Variants in TNRC18 observed in about 807,000 individuals in gnomAD.
TNRC18 encodes trinucleotide repeat-containing gene 18 protein.
A neutral mutation model predicts 226.7 loss-of-function variants in TNRC18; 69 were observed. The ratio of observed to expected loss-of-function variants is 0.30; its 90% confidence interval spans 0.25 to 0.37. The LOEUF (loss-of-function observed/expected upper bound fraction) is 0.37. Among genes scored for constraint, TNRC18 ranks in the 10% least tolerant of loss-of-function variants. TNRC18 has a pLI of 1.00. For missense variants in TNRC18, 4,754 were observed against 4,256.6 expected, an observed-to-expected ratio of 1.12 and a Z score of -3.25; for synonymous variants, 2,449 against 1,927.6, an observed-to-expected ratio of 1.27 and a Z score of -7.09.
intron 4 of TNRC18, 60 bp downstream of exon 4, chr7:5,390,425 G>C: frequency 6.3e-7 from 1 of 1,575,822 alleles, no homozygotes; most frequent in African/African-American, 1.4e-5. Context: ...TGCTGCCAAA[G>C]GCCCCAGAAG....
At chr7:5,417,928 C>A (rs1224841781) in intron 2 of TNRC18, among the ~76,000 whole-genome samples, 3 of 152,188 alleles carry the variant, frequency 2.0e-5, no homozygotes, top group African/African-American at 7.2e-5. Context: ...GGAGAAGGCC[C>A]GTGGCCCCCT....
chr7:5,374,981 C>T (rs1189839054), intron 9 of TNRC18, among the ~76,000 whole-genome samples: 1 of 152,188 alleles, frequency 6.6e-6, no homozygotes, highest in Non-Finnish European at 1.5e-5. Context: ...GCTCGGCGAC[C>T]ACCAATGCCT....
intron 2 of TNRC18, among the ~76,000 whole-genome samples, chr7:5,402,704 A>C (rs1781190378): frequency 6.6e-6 from 1 of 151,770 alleles, no homozygotes; most frequent in African/African-American, 2.4e-5. Context: ...AAATATAAAA[A>C]CTAGCCGGGC....
chr7:5,414,747 C>G (rs966362330), intron 2 of TNRC18, among the ~76,000 whole-genome samples: 2 of 152,204 alleles, frequency 1.3e-5, no homozygotes, highest in East Asian at 3.8e-4. Context: ...AGAACAAGGA[C>G]ATTCTCTTAC....
chr7:5,358,359 C>T (rs1323507464), intron 15 of TNRC18, among the ~76,000 whole-genome samples: 3 of 152,186 alleles, frequency 2.0e-5, no homozygotes, highest in Non-Finnish European at 4.4e-5. Context: ...AATCAGGTGA[C>T]ATTTCTTAAG....
intron 18 of TNRC18, among the ~76,000 whole-genome samples, chr7:5,334,759 G>A (rs1054378706): frequency 2.0e-5 from 3 of 152,074 alleles, no homozygotes; most frequent in African/African-American, 7.2e-5. Context: ...CCTGGCGTAC[G>A]TAATCCTTCA....
intron 17 of TNRC18, among the ~76,000 whole-genome samples, 185 bp from the exon 18 acceptor site, chr7:5,345,995 G>A (rs1418572306): frequency 2.0e-5 from 3 of 152,298 alleles, no homozygotes; most frequent in African/African-American, 2.4e-5. Flanking sequence ...CAATGCCCCC[G>A]GCCAGCTGAG....
rs370539555 is a variant in TNRC18 at position 5,308,196 on chromosome 7, C to A, written c.8817G>T (p.Gln2939His). The change falls in exon 30 of 30, where the codon CAG (glutamine) becomes CAT (histidine). Residue 2939 changes from glutamine to histidine, a missense_variant. Coordinates refer to ENST00000430969, the MANE Select transcript of TNRC18 (RefSeq NM_001080495.3). ...YEQMLKTKKY[Q>H]DSEGLYYLAG... The stretch of plus-strand genomic sequence containing the variant: ...CGAGGTAGTACAGGCCCTCGCTGTC[C>A]TGGTACTTCTTGGTCTTCAGCATCT... 6 of 1,608,310 alleles carry A rather than the reference C, an allele frequency of 3.7e-6. No homozygotes were observed. The South Asian group carries it at 5.6e-5, about 15-fold the overall frequency.
intron 4 of TNRC18, chr7:5,390,192 CA>C (rs1780181836): frequency 2.0e-6 from 1 of 510,870 alleles, no homozygotes; most frequent in Non-Finnish European, 3.4e-6. Flanking sequence ...AGCAAGACTC[CA>C]CCTCTACAGA....
Position 5,357,234 on chromosome 7 carries a change from A to G in TNRC18, c.4876T>C (p.Leu1626=), listed in dbSNP as rs1391120362. ...AGGGCCTTGTCGAGCTTGCTTGCCA[A>G]CTGCTCCTGGTCGCTGGCCATCTTC... The part of the protein sequence containing the change: ...KKKMASDQEQ[L]ASKLDKALSL... The change falls in exon 16 of 30, where the codon TTG becomes CTG. Residue 1626 remains leucine (L), a synonymous_variant. Coordinates refer to ENST00000430969, the MANE Select transcript of TNRC18 (RefSeq NM_001080495.3). 4 of 1,612,634 alleles carry G rather than the reference A, an allele frequency of 2.5e-6. No homozygotes were observed. Among genetic ancestry groups the G allele is most frequent in the Non-Finnish European group, 3.4e-6 (4 of 1,179,480 alleles).
At chr7:5,411,689 A>G (rs1364290856) in intron 2 of TNRC18, among the ~76,000 whole-genome samples, 1 of 152,126 alleles carries the variant, frequency 6.6e-6, no homozygotes, top group Admixed American at 6.6e-5. Flanking sequence ...AGAAGGGAGT[A>G]AAACAGGAAA....
At chr7:5,402,076 G>A (rs1330686334) in intron 2 of TNRC18, among the ~76,000 whole-genome samples, 3 of 151,894 alleles carry the variant, frequency 2.0e-5, no homozygotes, top group African/African-American at 7.3e-5. Context: ...CTACTCCGGA[G>A]GCTGAGGCAG....
chr7:5,334,297 CTT>C lies in TNRC18; in HGVS notation c.5720-1250_5720-1249del, dbSNP rs36114662. ...AAAGTGTAATAATCCTATTAATTAA[CTT>C]TTTTTTTTTTTTCTTGAGACGGAGT... On this transcript the variant is annotated intron_variant, in intron 18 of 29. Transcript: ENST00000430969. Among the ~76,000 whole-genome samples, 966 of 147,750 alleles carry C rather than the reference CTT, an allele frequency of 6.5e-3. 11 individuals are homozygous for C. The highest frequency in any genetic ancestry group is 0.021 in the African/African-American group (835 of 40,412).
At chr7:5,361,459 G>A (rs1793039827) in intron 14 of TNRC18, 135 bp downstream of exon 14, 1 of 1,112,284 alleles carries the variant, frequency 9.0e-7, no homozygotes, top group South Asian at 1.8e-5. Context: ...GCTCCCCGAG[G>A]GCCACTGCTG....
At chr7:5,329,505 G>A (rs1293481709) in intron 19 of TNRC18, among the ~76,000 whole-genome samples, 3 of 151,314 alleles carry the variant, frequency 2.0e-5, no homozygotes, top group African/African-American at 7.3e-5. Context: ...CCAACATGGT[G>A]AAACCATGTT....
At position 5,370,601 on chromosome 7, in the gene TNRC18, G is replaced by T. The variant is rs1794049350; in HGVS notation, c.3993C>A (p.Phe1331Leu). ...CFLEEASSDQFLPSLEDPLAG... is the reference protein window; with the variant it reads ...CFLEEASSDQLLPSLEDPLAG... ...CCAGTGGGTCCTCCAGACTGGGCAGGAACTGGTCAGAGCTTGCCTCTTCCA... is the reference window on the plus strand; with the variant it reads ...CCAGTGGGTCCTCCAGACTGGGCAGTAACTGGTCAGAGCTTGCCTCTTCCA... The change falls in exon 11 of 30, where the codon TTC (phenylalanine) becomes TTA (leucine). Residue 1331 changes from phenylalanine to leucine, a missense_variant. Phe to Leu is a conservative substitution (Grantham distance 22). Transcript: ENST00000430969. 8 of 1,613,356 alleles carry T rather than the reference G, an allele frequency of 5.0e-6. No homozygotes were observed. In the East Asian group the frequency reaches 1.6e-4, roughly 31 times the overall value.
intron 25 of TNRC18, among the ~76,000 whole-genome samples, chr7:5,315,563 A>G (rs1486991355): frequency 1.3e-5 from 2 of 152,062 alleles, no homozygotes; most frequent in Non-Finnish European, 2.9e-5. Context: ...AGCTGGGACT[A>G]CAGGCGCATG....
chr7:5,374,195 T>C lies in TNRC18; in HGVS notation c.3089A>G (p.His1030Arg). ...AYAYPATPSS[H>R]PTSPPPASPP... Reference sequence around the variant, plus strand: ...GGAGGCGGGCGGCGGGCTGGTGGGGTGGGAGCTGGGGGTGGCGGGGTAGGC... The same window carrying C: ...GGAGGCGGGCGGCGGGCTGGTGGGGCGGGAGCTGGGGGTGGCGGGGTAGGC... The change falls in exon 10 of 30, where the codon CAC (histidine) becomes CGC (arginine). Residue 1030 changes from histidine (H) to arginine (R), a missense_variant. His to Arg is a conservative substitution (Grantham distance 29). Transcript: ENST00000430969. 9.8e-6 allele frequency: 1 copy of C among 102,530 alleles called. No individual in the cohort carries two copies. Among genetic ancestry groups the C allele is most frequent in the Non-Finnish European group, 1.2e-5 (1 of 82,372 alleles). The allele number at this position is 102,530 out of a possible 1,614,324, so 6.4% of individuals were successfully genotyped here. A position where few individuals can be genotyped will look rare whatever the true frequency, so the allele number is the denominator to read the frequency against.
Position 5,388,462 on chromosome 7 carries a change from C to T in TNRC18, c.1362G>A (p.Pro454=). The T allele has an allele frequency of 2.1e-6, 3 of 1,434,138 alleles. No homozygotes were observed. The highest frequency in any genetic ancestry group is 2.7e-6 in the Non-Finnish European group (3 of 1,106,206). 88.8% of individuals were successfully genotyped at this position (1,434,138 alleles called of 1,614,324 possible). ...APTVRATRAS[P]DPRAYVPAKE... ...TGGCAGGCACGTAGGCGCGGGGGTC[C>T]GGGGAGGCGCGTGTGGCCCGCACCG... Residue 454 remains proline (P), a synonymous_variant, in exon 5 of 30, where the codon CCG becomes CCA. Coordinates refer to ENST00000430969, the MANE Select transcript of TNRC18 (RefSeq NM_001080495.3).
Sources: gnomAD v4.1 joint callset for allele counts (sites outside exome capture counted in the v4.1 genomes callset) on GRCh38, gnomAD v4.1.1 for gene constraint, MANE v1.5 for transcripts, NCBI Gene and HGNC (gene_info 2026-07-23, HGNC 2026-07-21) for gene names.